Variants in GRM8 observed in about 807,000 individuals in gnomAD.
The protein encoded by GRM8 is glutamate metabotropic receptor 8, also known as metabotropic glutamate receptor 8.
GRM8 carries 47 observed loss-of-function variants against 87.2 expected under a neutral mutation model. That is an observed-to-expected ratio of 0.54 (90% confidence interval 0.43 to 0.69). GRM8 has a LOEUF of 0.69. Ranked by LOEUF, GRM8 falls within the 30% of genes least tolerant of loss-of-function variation. GRM8 has a pLI of 0.00. For synonymous variants in GRM8, 396 were observed against 404.5 expected (o/e 0.98, Z 0.25); for missense variants, 1,019 against 1,139.2 (o/e 0.89, Z 1.52).
At chr7:126,982,831 T>C (rs1811671862) in intron 3 of GRM8, among the ~76,000 whole-genome samples, 1 of 152,068 alleles carries the variant, frequency 6.6e-6, no homozygotes, top group Non-Finnish European at 1.5e-5. Context: ...TCATGGTTTT[T>C]TTCCTGGAGT....
intron 2 of GRM8, among the ~76,000 whole-genome samples, chr7:127,164,799 A>C (rs942533211): frequency 6.6e-6 from 1 of 152,038 alleles, no homozygotes; most frequent in Non-Finnish European, 1.5e-5. Flanking sequence ...ATATTGGCCC[A>C]AAAGGAACTC....
intron 2 of GRM8, among the ~76,000 whole-genome samples, chr7:127,196,008 T>C (rs1795260274): frequency 6.6e-6 from 1 of 152,206 alleles, no homozygotes; most frequent in Non-Finnish European, 1.5e-5. Flanking sequence ...CTCTACATTA[T>C]TATAACCTCT....
At chr7:126,767,287 G>A (rs1818292130) in intron 7 of GRM8, among the ~76,000 whole-genome samples, 1 of 152,022 alleles carries the variant, frequency 6.6e-6, no homozygotes, top group South Asian at 2.1e-4. Flanking sequence ...CATCTTTAAT[G>A]AAATATACTA....
At chr7:126,516,706 T>C (rs1812220281) in intron 9 of GRM8, among the ~76,000 whole-genome samples, 2 of 152,188 alleles carry the variant, frequency 1.3e-5, no homozygotes, top group Admixed American at 1.3e-4. Flanking sequence ...GGGAGGCAAT[T>C]TGAGAAATAA....
At chr7:127,011,622 G>T (rs1293272548) in intron 3 of GRM8, among the ~76,000 whole-genome samples, 4 of 152,096 alleles carry the variant, frequency 2.6e-5, no homozygotes, top group South Asian at 2.1e-4. Flanking sequence ...TATGAAAATA[G>T]ATTGTGATGT....
In GRM8 at chr7:126,809,230, A is replaced by G. The variant is rs147551720; in HGVS notation, c.1157-39165T>C. Among the ~76,000 whole-genome samples, 397 of 152,322 alleles carry G rather than the reference A, an allele frequency of 2.6e-3. 3 individuals carry two copies. The highest frequency in any genetic ancestry group is 9.0e-3 in the African/African-American group (375 of 41,568). On this transcript the variant is annotated intron_variant, in intron 6 of 10. Transcript: ENST00000339582. ...TATATTGGGCCCACCTGGATAATGT[A>G]AAAGTCAACTAATTAGCAATCTTAA...
chr7:126,954,877 G>A (rs1366337244), intron 3 of GRM8, among the ~76,000 whole-genome samples: 4 of 152,070 alleles, frequency 2.6e-5, no homozygotes, highest in South Asian at 2.1e-4. Context: ...AGATTTTATC[G>A]GAAAGACAGT....
intron 8 of GRM8, among the ~76,000 whole-genome samples, chr7:126,547,209 T>A (rs1018781551): frequency 2.6e-5 from 4 of 152,150 alleles, no homozygotes; most frequent in African/African-American, 9.7e-5. Context: ...CACCCTTACA[T>A]ATAAATGGAA....
chr7:127,162,037 A>G (rs1793149445), intron 2 of GRM8, among the ~76,000 whole-genome samples: 1 of 152,196 alleles, frequency 6.6e-6, no homozygotes, highest in Non-Finnish European at 1.5e-5. Flanking sequence ...CATTGCTCAC[A>G]CACCTGTCAA....
At chr7:127,116,226 T>C (rs559143502) in intron 2 of GRM8, among the ~76,000 whole-genome samples, 1 of 152,346 alleles carries the variant, frequency 6.6e-6, no homozygotes, top group South Asian at 2.1e-4. Flanking sequence ...AACAGTTTTA[T>C]TTAAATTTCC....
At chr7:126,943,805 A>G (rs1326881784) in intron 3 of GRM8, among the ~76,000 whole-genome samples, 2 of 152,242 alleles carry the variant, frequency 1.3e-5, no homozygotes, top group Admixed American at 1.3e-4. Flanking sequence ...GAGAGTAAAC[A>G]GACAAATTTA....
chr7:127,215,636 GACTT>G (rs551692801), intron 2 of GRM8, among the ~76,000 whole-genome samples: 49 of 152,122 alleles, frequency 3.2e-4, no homozygotes, highest in Non-Finnish European at 6.0e-4. Context: ...CCTCTGTAGA[GACTT>G]ACATTCAATT....
chr7:127,078,892 C>A (rs1822562017), intron 3 of GRM8, among the ~76,000 whole-genome samples: 1 of 152,154 alleles, frequency 6.6e-6, no homozygotes, highest in Admixed American at 6.5e-5. Flanking sequence ...CAAATAGTAA[C>A]TTCTAGATAA....
intron 7 of GRM8, among the ~76,000 whole-genome samples, chr7:126,651,311 ACAGAATGG>A (rs1289430472): frequency 6.6e-6 from 1 of 152,204 alleles, no homozygotes; most frequent in African/African-American, 2.4e-5. Context: ...AGCTGGATTG[ACAGAATGG>A]CAGAATGGCC....
chr7:126,532,764 GATATATATATATATAT>G lies in GRM8; in HGVS notation c.2430+172_2430+187del, dbSNP rs521. Among the ~76,000 whole-genome samples, 395 of 110,974 alleles carry G rather than the reference GATATATATATATATAT, an allele frequency of 3.6e-3. 4 individuals are homozygous for G. The highest frequency in any genetic ancestry group is 0.013 in the Middle Eastern group (3 of 226). 72.8% of individuals were successfully genotyped at this position (110,974 alleles called of 152,430 possible). ...AAGCAATGTGACCTTGACGGATGGA[GATATATATATATATAT>G]ATATATATATATATATATATATATA... On this transcript the variant is annotated intron_variant, in intron 9 of 10. Coordinates refer to ENST00000339582, the MANE Select transcript of GRM8 (RefSeq NM_000845.3).
intron 7 of GRM8, among the ~76,000 whole-genome samples, chr7:126,704,636 A>G (rs903749514): frequency 2.0e-5 from 3 of 152,068 alleles, no homozygotes; most frequent in Non-Finnish European, 2.9e-5. Flanking sequence ...TGCGCCCCTG[A>G]GGATAGGTCT....
chr7:126,684,161 C>A (rs117463771), intron 7 of GRM8, among the ~76,000 whole-genome samples: 1 of 152,094 alleles, frequency 6.6e-6, no homozygotes, highest in Non-Finnish European at 1.5e-5. Flanking sequence ...ACTTAGGGCA[C>A]GATCACTGTA....
At chr7:127,237,161 T>G (rs1309886961) in intron 2 of GRM8, among the ~76,000 whole-genome samples, 1 of 152,234 alleles carries the variant, frequency 6.6e-6, no homozygotes, top group Non-Finnish European at 1.5e-5. Flanking sequence ...GGAGTTTAAG[T>G]GCTACTTACC....
chr7:127,119,518 G>GCA lies in GRM8; in HGVS notation c.511-12808_511-12807dup, dbSNP rs1478056417. On this transcript the variant is annotated intron_variant, in intron 2 of 10. Transcript: ENST00000339582. ...CTCTCTCTCACACACACACACACATGCACACACACACACATACACAAGAAA... is the reference window on the plus strand; with the variant it reads ...CTCTCTCTCACACACACACACACATGCACACACACACACACATACACAAGAAA... 2.4e-3 allele frequency among the ~76,000 whole-genome samples: 350 copies of GCA among 144,366 alleles called. 2 individuals are homozygous for GCA. Among genetic ancestry groups the GCA allele is most frequent in the Non-Finnish European group, 3.7e-3 (245 of 66,278 alleles). The allele number at this position is 144,366 out of a possible 152,430, so 94.7% of individuals were successfully genotyped here. A position where few individuals can be genotyped will look rare whatever the true frequency, so the allele number is the denominator to read the frequency against.
Sources: gnomAD v4.1 joint callset for allele counts (sites outside exome capture counted in the v4.1 genomes callset) on GRCh38, gnomAD v4.1.1 for gene constraint, MANE v1.5 for transcripts, NCBI Gene and HGNC (gene_info 2026-07-23, HGNC 2026-07-21) for gene names.